OTOF: variants seen among roughly 807,000 people sequenced by gnomAD.
OTOF encodes the protein fer-1-like family member 2.
In OTOF, 218 loss-of-function variants were observed where a neutral mutation model predicts 236.8. That is an observed-to-expected ratio of 0.92 (90% confidence interval 0.82 to 1.03). The LOEUF is 1.03. Ranked by LOEUF, OTOF falls within the 50% of genes least tolerant of loss-of-function variation. The probability of loss-of-function intolerance (pLI) is 0.00; values close to 1 mark genes in which losing one functional copy is unlikely to be tolerated. For missense variants in OTOF, 2,590 were observed against 2,694.4 expected (o/e 0.96, Z 0.86); for synonymous variants, 1,041 against 1,072.5 (o/e 0.97, Z 0.57).
At chr2:26,482,833 G>GTGGGTGCATGTGTGCGTGAT (rs1665586791) in intron 13 of OTOF, among the ~76,000 whole-genome samples, 6 of 151,336 alleles carry the variant, frequency 4.0e-5, no homozygotes, top group Admixed American at 3.9e-4. Context: ...GTGTGCGTGA[G>GTGGGTGCATGTGTGCGTGAT]TGGGTGCATG....
In OTOF at chr2:26,527,245, A is replaced by G. The variant is rs143393603; in HGVS notation, c.227+587T>C. Among the ~76,000 whole-genome samples the G allele has an allele frequency of 3.6e-3, 547 of 152,366 alleles. 10 individuals carry two copies. The highest frequency in any genetic ancestry group is 1.6e-3 in the Non-Finnish European group (108 of 68,036). ...AAACATTTGTTGAATGAGTGAGTGA[A>G]TATCTATCTCATTTAATTCACACAG... On this transcript the variant is annotated intron_variant, in intron 3 of 46. Coordinates refer to ENST00000272371, the MANE Select transcript of OTOF (RefSeq NM_194248.3).
chr2:26,532,189 C>A (rs948985977), intron 2 of OTOF, among the ~76,000 whole-genome samples: 1 of 151,424 alleles, frequency 6.6e-6, no homozygotes, highest in Non-Finnish European at 1.5e-5. Flanking sequence ...CACATTTACC[C>A]ATAACCAAGC....
chr2:26,523,901 G>C (rs1420834177), intron 3 of OTOF, among the ~76,000 whole-genome samples: 1 of 152,240 alleles, frequency 6.6e-6, no homozygotes, highest in African/African-American at 2.4e-5. Context: ...GCAAATGCCA[G>C]GATGGGGAGA....
intron 24 of OTOF, among the ~76,000 whole-genome samples, chr2:26,475,701 T>C (rs542441460): frequency 7.4e-4 from 112 of 152,258 alleles, no homozygotes; most frequent in Non-Finnish European, 6.0e-4. Context: ...CCCTGTCTTG[T>C]GAATATAACC....
chr2:26,510,383 G>A (rs554624647), intron 5 of OTOF, among the ~76,000 whole-genome samples: 2 of 152,146 alleles, frequency 1.3e-5, no homozygotes, highest in South Asian at 2.1e-4. Context: ...TCCCTCCCAG[G>A]GAAGCCCGAA....
At chr2:26,507,682 G>A (rs938448778) in intron 5 of OTOF, among the ~76,000 whole-genome samples, 1 of 152,122 alleles carries the variant, frequency 6.6e-6, no homozygotes, top group Non-Finnish European at 1.5e-5. Context: ...ACAATCAAAT[G>A]GCTCCTTATT....
intron 1 of OTOF, among the ~76,000 whole-genome samples, chr2:26,547,320 C>T (rs771782936): frequency 3.9e-5 from 6 of 152,034 alleles, no homozygotes; most frequent in Non-Finnish European, 8.8e-5. Context: ...GGATAATACT[C>T]ACTTGTCATG....
chr2:26,531,887 A>G (rs906975962), intron 2 of OTOF, among the ~76,000 whole-genome samples: 2 of 152,062 alleles, frequency 1.3e-5, no homozygotes, highest in Admixed American at 6.5e-5. Context: ...TGAGGTTAGG[A>G]GTTTGATACC....
chr2:26,552,000 G>T (rs1236035267), intron 1 of OTOF, among the ~76,000 whole-genome samples: 2 of 151,238 alleles, frequency 1.3e-5, no homozygotes, highest in African/African-American at 2.4e-5. Flanking sequence ...ATGAATTGAT[G>T]GTAGCTGAAA....
intron 2 of OTOF, among the ~76,000 whole-genome samples, chr2:26,532,115 A>AAAAAAAAAAAAAAAAAAAT (rs1666965019): frequency 7.0e-6 from 1 of 142,502 alleles, no homozygotes; most frequent in African/African-American, 2.6e-5. Context: ...AAAAAAAAAA[A>AAAAAAAAAAAAAAAAAAAT]GACTGAAGGA....
At chr2:26,520,413 G>A (rs560629163) in intron 3 of OTOF, among the ~76,000 whole-genome samples, 90 of 152,210 alleles carry the variant, frequency 5.9e-4, no homozygotes, top group Admixed American at 9.8e-4. Context: ...GGTGAACATT[G>A]ATTTTTTAAA....
At chr2:26,466,439 C>G (rs897713493) in intron 36 of OTOF, 5 of 514,436 alleles carry the variant, frequency 9.7e-6, no homozygotes, top group African/African-American at 1.9e-5. Flanking sequence ...CAGGTTCAAG[C>G]GATTTTCCTG....
Position 26,477,144 on chromosome 2 carries a change from G to T in OTOF, c.2523+28C>A. On this transcript the variant is annotated intron_variant, in intron 21 of 46. Transcript: ENST00000272371. This position sits in a 1 kb window ranked among gnomAD's most constrained non-coding sequence, Gnocchi z 4.7. ...GCCCCAGAGAGCCAGCCCTGGATGA[G>T]GCAAAGCCCCGACCCCTTGGGCCGC... is the stretch of plus-strand genomic sequence containing the variant. The T allele has an allele frequency of 6.2e-7, 1 of 1,600,322 alleles. No individual in the cohort carries two copies. The highest frequency in any genetic ancestry group is 1.1e-5 in the South Asian group (1 of 90,166).
chr2:26,457,731 T>C lies in OTOF; in HGVS notation c.*507A>G. On this transcript the variant is annotated 3_prime_UTR_variant, in exon 47 of 47. Transcript: ENST00000272371. This position sits in a 1 kb window ranked among gnomAD's most constrained non-coding sequence, Gnocchi z 4.4. ...AGACCTGGGGAGGGTTTCAGGAGTC[T>C]TCCTCTGGAGCCTGGGCCTGAAGAA... 2.5e-6 allele frequency: 1 copy of C among 397,302 alleles called. No individual in the cohort carries two copies. Among genetic ancestry groups the C allele is most frequent in the Non-Finnish European group, 4.6e-6 (1 of 218,458 alleles). 24.6% of individuals were successfully genotyped at this position (397,302 alleles called of 1,614,324 possible).
intron 3 of OTOF, among the ~76,000 whole-genome samples, chr2:26,522,714 C>A (rs535243533): frequency 6.6e-6 from 1 of 152,212 alleles, no homozygotes; most frequent in Non-Finnish European, 1.5e-5. Flanking sequence ...AGCACTGGCC[C>A]GGGTGTCAGG....
At chr2:26,505,772 G>C (rs1572459285) in intron 5 of OTOF, among the ~76,000 whole-genome samples, 2 of 152,180 alleles carry the variant, frequency 1.3e-5, no homozygotes, top group Non-Finnish European at 1.5e-5. Context: ...TGACCATTTG[G>C]GATTTTAGCT....
At chr2:26,536,457 G>A (rs1667071402) in intron 2 of OTOF, among the ~76,000 whole-genome samples, 1 of 152,176 alleles carries the variant, frequency 6.6e-6, no homozygotes, top group Admixed American at 6.5e-5. Context: ...GCCCTGAAGT[G>A]GTTGGGGAGG....
At chr2:26,504,433 G>A (rs1050326054) in intron 5 of OTOF, among the ~76,000 whole-genome samples, 3 of 152,148 alleles carry the variant, frequency 2.0e-5, no homozygotes, top group Non-Finnish European at 2.9e-5. Flanking sequence ...CAACCTCTCC[G>A]TGTTCTGGGA....
rs749588712 is a variant in OTOF, at chr2:26,473,957, T to C, written c.3408+34A>G. On this transcript the variant is annotated intron_variant, in intron 27 of 46. Coordinates refer to ENST00000272371, the MANE Select transcript of OTOF (RefSeq NM_194248.3). The surrounding 1 kb of genome is among the most constrained non-coding windows in gnomAD (Gnocchi z 7.2). Reference sequence around the variant, plus strand: ...CCCTCCTGGGTCCTCAGACTCCTCATCCAAAAGGGAAGGGCCACACAGAGC... The same window carrying C: ...CCCTCCTGGGTCCTCAGACTCCTCACCCAAAAGGGAAGGGCCACACAGAGC... 6.2e-7 allele frequency: 1 copy of C among 1,612,356 alleles called. No individual in the cohort carries two copies.
Sources: gnomAD v4.1 joint callset for allele counts (sites outside exome capture counted in the v4.1 genomes callset) on GRCh38, gnomAD v4.1.1 for gene constraint, Gnocchi (gnomAD v3.1) non-coding constraint, MANE v1.5 for transcripts, NCBI Gene and HGNC (gene_info 2026-07-23, HGNC 2026-07-21) for gene names.